Variants in ZNF880 observed in about 807,000 individuals in gnomAD.
ZNF880 encodes the protein zinc finger protein 880.
Under a neutral mutation model 11.8 loss-of-function variants are expected in ZNF880, and 12 were observed. The observed-to-expected ratio is 1.02, with a 90% confidence interval of 0.65 to 1.65. ZNF880 has a LOEUF of 1.65. Among genes scored for constraint, ZNF880 ranks in the 40% most tolerant of loss-of-function variants. ZNF880 has a pLI of 0.00. For missense variants in ZNF880, 601 were observed against 673.9 expected, an observed-to-expected ratio of 0.89 and a Z score of 1.20; for synonymous variants, 210 against 232.4, an observed-to-expected ratio of 0.90 and a Z score of 0.88.
In ZNF880 at chr19:52,385,654, ATAC is replaced by A. The variant is rs1477604394; in HGVS notation, c.*342_*344del. ...AGTCTCTAGTTCTCCAATATTTATG[ATAC>A]TGCATGCTGCAGAAAAGTCACAGCT... is the stretch of plus-strand genomic sequence containing the variant. On this transcript the variant is annotated 3_prime_UTR_variant, in exon 4 of 4. Coordinates refer to ENST00000422689, the MANE Select transcript of ZNF880 (RefSeq NM_001145434.2). 2 of 186,898 alleles carry A rather than the reference ATAC, an allele frequency of 1.1e-5. 1 individual carries two copies. Among genetic ancestry groups the A allele is most frequent in the Non-Finnish European group, 2.0e-5 (2 of 99,414 alleles). The allele number at this position is 186,898 out of a possible 1,614,324, so 11.6% of individuals were successfully genotyped here.
At chr19:52,371,543 T>C (rs551656363) in intron 1 of ZNF880, among the ~76,000 whole-genome samples, 36 of 152,096 alleles carry the variant, frequency 2.4e-4, no homozygotes, top group African/African-American at 8.4e-4. Context: ...GCCTGGCTAA[T>C]TTTTTTATTT....
Position 52,384,900 on chromosome 19 carries a change from A to ATG in ZNF880, c.1323_1324dup (p.Ala442ValfsTer11), listed in dbSNP as rs1450535126. 2 of 1,608,710 alleles carry ATG rather than the reference A, an allele frequency of 1.2e-6. No homozygotes were observed. On this transcript the variant is annotated frameshift_variant, in exon 4 of 4. Transcript: ENST00000422689. LOFTEE classifies it low-confidence loss of function (END_TRUNC). Reference sequence around the variant, plus strand: ...GAGAGAAACCTTACAAATGTAAAGAATGTGCCAAGGTCTTCAGGCATAGAT... The same window carrying ATG: ...GAGAGAAACCTTACAAATGTAAAGAATGTGTGCCAAGGTCTTCAGGCATAGAT...
At chr19:52,375,737 T>C (rs912602883) in intron 3 of ZNF880, among the ~76,000 whole-genome samples, 24 of 152,036 alleles carry the variant, frequency 1.6e-4, no homozygotes, top group Middle Eastern at 6.8e-3. Context: ...AGTGAGAACA[T>C]ACAATGTTTG....
At chr19:52,367,726 T>C (rs1484118084), upstream of ZNF880, 1 of 151,956 alleles carries the variant, frequency 6.6e-6, no homozygotes. Flanking sequence ...ATAGTACAAT[T>C]TCAGCCTTGT....
At position 52,373,230 on chromosome 19, in the gene ZNF880, C is replaced by T. The variant is rs11396; in HGVS notation, c.132C>T (p.Val44=). Residue 44 remains valine, a synonymous_variant, in exon 2 of 4, where the codon GTC becomes GTT. Transcript: ENST00000422689. ...EVMVENYRNL[V]FLGICLPDLS... is the part of the protein sequence containing the mutation. ...TGGTGGAGAACTACAGGAACCTGGT[C>T]TTTCTGGGTGAGGATAATGTCCCTT... 3 of 1,612,164 alleles carry T rather than the reference C, an allele frequency of 1.9e-6. No homozygotes were observed. Among genetic ancestry groups the T allele is most frequent in the Middle Eastern group, 1.7e-4 (1 of 6,038 alleles).
downstream of ZNF880, among the ~76,000 whole-genome samples, chr19:52,388,383 A>G (rs1281189603): frequency 7.3e-6 from 1 of 136,798 alleles, no homozygotes; most frequent in Non-Finnish European, 1.5e-5. Flanking sequence ...CCCGGGTTCA[A>G]ACGGCTGCCT....
intron 2 of ZNF880, among the ~76,000 whole-genome samples, chr19:52,373,538 T>C (rs905253946): frequency 2.0e-5 from 3 of 152,202 alleles, no homozygotes; most frequent in African/African-American, 4.8e-5. Context: ...ACTTAAGATA[T>C]ACAGTTCTGT....
chr19:52,393,132 G>A, the ZNF880 span, among the ~76,000 whole-genome samples: 36 of 151,522 alleles, frequency 2.4e-4, no homozygotes, highest in South Asian at 1.7e-3. Flanking sequence ...GAGTACAGTG[G>A]CGCAATCTCG....
the ZNF880 span, among the ~76,000 whole-genome samples, chr19:52,393,892 A>C: frequency 7.9e-6 from 1 of 126,290 alleles, no homozygotes; most frequent in Non-Finnish European, 1.6e-5. Context: ...GCTGGAGTGC[A>C]GTGGCGCGAT....
chr19:52,377,022 A>T (rs1986576733), intron 3 of ZNF880, among the ~76,000 whole-genome samples: 1 of 152,136 alleles, frequency 6.6e-6, no homozygotes, highest in African/African-American at 2.4e-5. Context: ...CATATGGCTT[A>T]TGAGAATTCT....
At position 52,384,839 on chromosome 19, in the gene ZNF880, G is replaced by T. The variant is rs773983615; in HGVS notation, c.1259G>T (p.Cys420Phe). 2 of 1,253,758 alleles carry T rather than the reference G, an allele frequency of 1.6e-6. No homozygotes were observed. Among genetic ancestry groups the T allele is most frequent in the Admixed American group, 4.6e-5 (2 of 43,876 alleles). 77.7% of individuals were successfully genotyped at this position (1,253,758 alleles called of 1,614,324 possible). ...CNECGKAFRD[C>F]SGLTAHLLIH... ...GAATGTGGCAAAGCATTTAGAGACT[G>T]TTCAGGCCTTACTGCCCATCTACTA... The change falls in exon 4 of 4, where the codon TGT becomes TTT. Residue 420 changes from cysteine to phenylalanine, a missense_variant. Around this residue, in one of 3 missense-constraint regions of ZNF880, gnomAD observed 177 missense variants for 214.5 expected, o/e 0.83. Transcript: ENST00000422689.
chr19:52,385,168 A>C lies in ZNF880; in HGVS notation c.1588A>C (p.Ser530Arg), dbSNP rs1986846689. 2 of 1,554,654 alleles carry C rather than the reference A, an allele frequency of 1.3e-6. 1 individual carries two copies. Among genetic ancestry groups the C allele is most frequent in the South Asian group, 2.4e-5 (2 of 84,294 alleles). Residue 530 changes from serine to arginine, a missense_variant, in exon 4 of 4, where the codon AGC becomes CGC. By Grantham distance (110) the Ser-to-Arg change is moderately radical. Coordinates refer to ENST00000422689, the MANE Select transcript of ZNF880 (RefSeq NM_001145434.2). ...ATGCAATGAATGTGGCAAGGTCTTC[A>C]GCCACAAGTTATACCTAAAAAAACA... is the stretch of plus-strand genomic sequence containing the variant. ...YKCNECGKVFSHKLYLKKHER... is the reference protein window; with the variant it reads ...YKCNECGKVFRHKLYLKKHER...
At chr19:52,372,299 T>C (rs1387751442) in intron 1 of ZNF880, among the ~76,000 whole-genome samples, 1 of 150,570 alleles carries the variant, frequency 6.6e-6, no homozygotes, top group Non-Finnish European at 1.5e-5. Flanking sequence ...AATTTTTTTT[T>C]TTTTTGGAGA....
At chr19:52,368,799 A>ATTTTT (rs965510036), upstream of ZNF880, among the ~76,000 whole-genome samples, 1 of 151,980 alleles carries the variant, frequency 6.6e-6, no homozygotes, top group Admixed American at 6.6e-5. Flanking sequence ...GGACAAATAA[A>ATTTTT]TGAGTGCTGT....
In ZNF880 at chr19:52,384,910, G is replaced by A. The variant is rs1360591359; in HGVS notation, c.1330G>A (p.Val444Ile). 1.9e-6 allele frequency: 3 copies of A among 1,604,394 alleles called. No individual in the cohort carries two copies. Among genetic ancestry groups the A allele is most frequent in the Middle Eastern group, 1.6e-4 (1 of 6,072 alleles). Residue 444 changes from valine (V) to isoleucine (I), a missense_variant, in exon 4 of 4, where the codon GTC becomes ATC. Physicochemically the swap from Val to Ile is conservative, Grantham distance 29 (BLOSUM62 3). This residue lies in a region of ZNF880 where 177 missense variants were observed against 214.5 expected (regional missense o/e 0.83). Transcript: ENST00000422689. ...KPYKCKECAK[V>I]FRHRLSLSNH... ...TTACAAATGTAAAGAATGTGCCAAG[G>A]TCTTCAGGCATAGATTATCCCTAAG...
Position 52,385,155 on chromosome 19 carries a change from T to C in ZNF880, c.1575T>C (p.Cys525=). Residue 525 remains cysteine (C), a synonymous_variant, in exon 4 of 4, where the codon TGT becomes TGC. Transcript: ENST00000422689. ...AGAAGTCTTACAAATGCAATGAATG[T>C]GGCAAGGTCTTCAGCCACAAGTTAT... The part of the protein sequence containing the change: ...TGEKSYKCNE[C]GKVFSHKLYL... 1 of 1,555,852 alleles carries C rather than the reference T, an allele frequency of 6.4e-7. No homozygotes were observed. Among genetic ancestry groups the C allele is most frequent in the African/African-American group, 1.4e-5 (1 of 73,186 alleles).
intron 3 of ZNF880, among the ~76,000 whole-genome samples, chr19:52,376,286 T>G (rs781758208): frequency 1.3e-5 from 2 of 152,170 alleles, no homozygotes; most frequent in African/African-American, 4.8e-5. Flanking sequence ...CCACCAGCAG[T>G]GTAAAGTGGT....
Position 52,385,455 on chromosome 19 carries a change from A to T in ZNF880, c.*141A>T. 9.9e-7 allele frequency: 1 copy of T among 1,005,356 alleles called. No homozygotes were observed. The highest frequency in any genetic ancestry group is 2.9e-5 in the Admixed American group (1 of 34,720). 62.3% of individuals were successfully genotyped at this position (1,005,356 alleles called of 1,614,324 possible). A position where few individuals can be genotyped will look rare whatever the true frequency, so the allele number is the denominator to read the frequency against. ...CATTAATCAACATCAGAGATTCCAT[A>T]CTAAAGAGAAATCATAGCAATGTAT... is the stretch of plus-strand genomic sequence containing the variant. On this transcript the variant is annotated 3_prime_UTR_variant, in exon 4 of 4. Coordinates refer to ENST00000422689, the MANE Select transcript of ZNF880 (RefSeq NM_001145434.2).
Position 52,384,623 on chromosome 19 carries a change from G to C in ZNF880, c.1043G>C (p.Gly348Ala). Residue 348 changes from glycine (G) to alanine (A), a missense_variant, in exon 4 of 4, where the codon GGA becomes GCA. This residue lies in a region of ZNF880 where 420 missense variants were observed against 442.6 expected (regional missense o/e 0.95). Coordinates refer to ENST00000422689, the MANE Select transcript of ZNF880 (RefSeq NM_001145434.2). ...ACTGCTCATCTTGTAATTCACACTGGAGAGAAACTTTACAAATGTAATAAA... is the reference window on the plus strand; with the variant it reads ...ACTGCTCATCTTGTAATTCACACTGCAGAGAAACTTTACAAATGTAATAAA... ...GLTAHLVIHT[G>A]EKLYKCNKCG... 1 of 1,611,864 alleles carries C rather than the reference G, an allele frequency of 6.2e-7. No individual in the cohort carries two copies. The highest frequency in any genetic ancestry group is 8.5e-7 in the Non-Finnish European group (1 of 1,178,778).
Sources: allele counts gnomAD v4.1 joint callset (sites outside exome capture counted in the v4.1 genomes callset), GRCh38; gene constraint gnomAD v4.1.1; regional missense constraint gnomAD v4.1.1; transcripts MANE v1.5; gene names NCBI Gene and HGNC (gene_info 2026-07-23, HGNC 2026-07-21).